The following PDE3A variants were observed in gnomAD, a reference collection of about 807,000 sequenced individuals.
The protein encoded by PDE3A is cGMP-inhibited 3',5'-cyclic phosphodiesterase 3A.
Under a neutral mutation model 98.3 loss-of-function variants are expected in PDE3A, and 43 were observed. The observed-to-expected ratio is 0.44, with a 90% CI of 0.34 to 0.56. PDE3A has a LOEUF of 0.56. Among genes scored for constraint, PDE3A ranks in the 20% least tolerant of loss-of-function variants. The pLI is 0.01. For missense variants in PDE3A, 1,427 were observed against 1,440.7 expected (o/e 0.99, Z 0.15); for synonymous variants, 663 against 567.9 (o/e 1.17, Z -2.38).
chr12:20,456,641 A>G (rs967820139), intron 1 of PDE3A, among the ~76,000 whole-genome samples: 3 of 152,174 alleles, frequency 2.0e-5, no homozygotes, highest in Non-Finnish European at 4.4e-5. Context: ...ATTACCAAAA[A>G]TTCGCTGGAA....
At chr12:20,612,867 C>T (rs1158814703) in intron 2 of PDE3A, among the ~76,000 whole-genome samples, 1 of 151,444 alleles carries the variant, frequency 6.6e-6, no homozygotes, top group Non-Finnish European at 1.5e-5. Flanking sequence ...CCACAGAATC[C>T]CAGAACTGAA....
intron 1 of PDE3A, among the ~76,000 whole-genome samples, chr12:20,374,221 G>A (rs1042598010): frequency 6.6e-6 from 1 of 151,686 alleles, no homozygotes; most frequent in African/African-American, 2.4e-5. Context: ...TGTGTCGGGG[G>A]GACAAAAATT....
Position 20,370,129 on chromosome 12 carries a change from A to G in PDE3A, c.845A>G (p.Asp282Gly). 6.2e-7 allele frequency: 1 copy of G among 1,613,408 alleles called. No homozygotes were observed. The highest frequency in any genetic ancestry group is 8.5e-7 in the Non-Finnish European group (1 of 1,179,956). The change falls in exon 1 of 16, where the codon GAT (aspartate) becomes GGT (glycine). Residue 282 changes from aspartate to glycine, a missense_variant. Around this residue, in one of 3 missense-constraint regions of PDE3A, gnomAD observed 1,012 missense variants for 886.5 expected, o/e 1.14. Coordinates refer to ENST00000359062, the MANE Select transcript of PDE3A (RefSeq NM_000921.5). ...GSQLIAGTKE[D>G]IPVFKRRRRS... Reference sequence around the variant, plus strand: ...CAGCTGATTGCTGGGACCAAGGAAGATATCCCGGTGTTTAAGAGGAGGAGG... The same window carrying G: ...CAGCTGATTGCTGGGACCAAGGAAGGTATCCCGGTGTTTAAGAGGAGGAGG...
At chr12:20,541,277 T>C (rs1218566845) in intron 1 of PDE3A, among the ~76,000 whole-genome samples, 2 of 151,540 alleles carry the variant, frequency 1.3e-5, no homozygotes, top group Non-Finnish European at 2.9e-5. Context: ...TTTAAAATAT[T>C]TTTTGTAGAG....
chr12:20,416,814 T>C (rs1460918033), intron 1 of PDE3A, among the ~76,000 whole-genome samples: 1 of 152,188 alleles, frequency 6.6e-6, no homozygotes, highest in Non-Finnish European at 1.5e-5. Context: ...ACATGGACTA[T>C]ACTACTTGGT....
intron 5 of PDE3A, among the ~76,000 whole-genome samples, chr12:20,623,802 TATTCTA>T (rs1206651538): frequency 1.3e-5 from 2 of 152,106 alleles, no homozygotes; most frequent in African/African-American, 4.8e-5. Flanking sequence ...ATGATGGATG[TATTCTA>T]GAAAGAATTT....
In PDE3A at chr12:20,616,342, A is replaced by G; in HGVS notation, c.1382A>G (p.Asp461Gly). 1 of 1,613,684 alleles carries G rather than the reference A, an allele frequency of 6.2e-7. No individual in the cohort carries two copies. Among genetic ancestry groups the G allele is most frequent in the Non-Finnish European group, 8.5e-7 (1 of 1,179,736 alleles). Residue 461 changes from aspartate to glycine, a missense_variant, in exon 4 of 16, where the codon GAC becomes GGC. Asp to Gly is a moderately conservative substitution (Grantham distance 94, BLOSUM62 -1). This residue lies in a region of PDE3A where 1,012 missense variants were observed against 886.5 expected (regional missense o/e 1.14). Coordinates refer to ENST00000359062, the MANE Select transcript of PDE3A (RefSeq NM_000921.5). The part of the protein sequence containing the change: ...PTLEPAPVRR[D>G]RSTSIKLQEA... ...TTGGAGCCTGCACCAGTACGGAGAGACCGCAGCACCAGCATCAAACTGCAG... is the reference window on the plus strand; with the variant it reads ...TTGGAGCCTGCACCAGTACGGAGAGGCCGCAGCACCAGCATCAAACTGCAG...
chr12:20,544,211 A>T (rs1022537822), intron 1 of PDE3A, among the ~76,000 whole-genome samples: 1 of 150,000 alleles, frequency 6.7e-6, no homozygotes, highest in Non-Finnish European at 1.5e-5. Context: ...ATGTGTATAT[A>T]TATTTCCCTA....
At position 20,683,860 on chromosome 12, in the gene PDE3A, CG is replaced by C. The variant is rs1213448765; in HGVS notation, c.*3590del. The C allele has an allele frequency of 6.6e-6, 1 of 151,994 alleles. No homozygotes were observed. The highest frequency in any genetic ancestry group is 6.6e-5 in the Admixed American group (1 of 15,254). The allele number at this position is 151,994 out of a possible 1,614,324, so 9.4% of individuals were successfully genotyped here. On this transcript the variant is annotated 3_prime_UTR_variant, in exon 16 of 16. Transcript: ENST00000359062. ...TCTTTCCGTTGCAATCCCAGTAAAACGAAAGAAAAGGAATATCTTACAGACT... is the reference window on the plus strand; with the variant it reads ...TCTTTCCGTTGCAATCCCAGTAAAACAAAGAAAAGGAATATCTTACAGACT...
At chr12:20,577,993 C>A (rs2121332485) in intron 2 of PDE3A, among the ~76,000 whole-genome samples, 1 of 152,222 alleles carries the variant, frequency 6.6e-6, no homozygotes, top group East Asian at 1.9e-4. Flanking sequence ...GGGAGAGGGG[C>A]AGTCCTGTGA....
chr12:20,416,241 T>C (rs1187324200), intron 1 of PDE3A, among the ~76,000 whole-genome samples: 2 of 152,220 alleles, frequency 1.3e-5, no homozygotes, highest in Non-Finnish European at 2.9e-5. Context: ...ATGAAAATTC[T>C]CACTCGAGGT....
chr12:20,413,954 T>G (rs1944378328), intron 1 of PDE3A, among the ~76,000 whole-genome samples: 1 of 152,108 alleles, frequency 6.6e-6, no homozygotes, highest in African/African-American at 2.4e-5. Flanking sequence ...GATTTGATTT[T>G]AAGAGGTGAC....
At chr12:20,540,875 C>T (rs1276229670) in intron 1 of PDE3A, among the ~76,000 whole-genome samples, 4 of 151,756 alleles carry the variant, frequency 2.6e-5, no homozygotes, top group African/African-American at 7.3e-5. Flanking sequence ...ACATGTTTTA[C>T]GGTAAAACAT....
intron 1 of PDE3A, among the ~76,000 whole-genome samples, chr12:20,459,299 T>G (rs551536724): frequency 6.6e-6 from 1 of 152,272 alleles, no homozygotes; most frequent in South Asian, 2.1e-4. Flanking sequence ...TTTATTGATA[T>G]TTTAGAGTTA....
chr12:20,406,246 C>A (rs1454033047), intron 1 of PDE3A, among the ~76,000 whole-genome samples: 1 of 152,088 alleles, frequency 6.6e-6, no homozygotes, highest in East Asian at 1.9e-4. Context: ...TGCATGTATA[C>A]CCATAAATGA....
chr12:20,383,874 C>T (rs1276850308), intron 1 of PDE3A, among the ~76,000 whole-genome samples: 3 of 151,820 alleles, frequency 2.0e-5, no homozygotes, highest in Admixed American at 6.6e-5. Context: ...ATGTTACCAG[C>T]CTTATGTTGA....
At chr12:20,603,391 A>G (rs947697574) in intron 2 of PDE3A, among the ~76,000 whole-genome samples, 4 of 152,326 alleles carry the variant, frequency 2.6e-5, no homozygotes, top group African/African-American at 9.6e-5. Context: ...AATGCAATCA[A>G]CCATATTAAC....
At chr12:20,527,921 G>GAAA (rs200125422) in intron 1 of PDE3A, among the ~76,000 whole-genome samples, 1 of 125,108 alleles carries the variant, frequency 8.0e-6, no homozygotes, top group Non-Finnish European at 1.7e-5. Context: ...ACTTTAAAAG[G>GAAA]AAAAAAAAAA....
chr12:20,613,388 G>T, intron 2 of PDE3A, 55 bp from the exon 3 acceptor site: 1 of 1,559,340 alleles, frequency 6.4e-7, no homozygotes, highest in Non-Finnish European at 8.8e-7. Context: ...TTAATGCTTT[G>T]TGCCTTCAGA....
Sources: gnomAD v4.1 joint callset for allele counts (sites outside exome capture counted in the v4.1 genomes callset) on GRCh38, gnomAD v4.1.1 for gene constraint, gnomAD v4.1.1 regional missense constraint, MANE v1.5 for transcripts, NCBI Gene and HGNC (gene_info 2026-07-23, HGNC 2026-07-21) for gene names.